Variants in CHST12 observed in about 807,000 individuals in gnomAD.
The protein encoded by CHST12 is carbohydrate sulfotransferase 12.
In CHST12, 23 loss-of-function variants were observed where a neutral mutation model predicts 27.9. The ratio of observed to expected loss-of-function variants is 0.82; its 90% confidence interval spans 0.59 to 1.17. The LOEUF is 1.17. Among genes scored for constraint, CHST12 ranks in the 50% most tolerant of loss-of-function variants. The pLI, the probability that CHST12 is intolerant of heterozygous loss-of-function variation, is 0.00. For synonymous variants in CHST12, 322 were observed against 273.0 expected, an observed-to-expected ratio of 1.18 and a Z score of -1.77; for missense variants, 682 against 603.0, an observed-to-expected ratio of 1.13 and a Z score of -1.37.
chr7:2,417,845 C>T (rs558388542), intron 1 of CHST12, among the ~76,000 whole-genome samples: 10 of 152,380 alleles, frequency 6.6e-5, no homozygotes, highest in Admixed American at 6.5e-4. Flanking sequence ...AACCAAATAT[C>T]TGGGTACCCC....
intron 1 of CHST12, among the ~76,000 whole-genome samples, chr7:2,430,130 T>A (rs1782237089): frequency 6.6e-6 from 1 of 152,106 alleles, no homozygotes; most frequent in Admixed American, 6.6e-5. Flanking sequence ...GTAACATATG[T>A]TGTATTTTCA....
intron 1 of CHST12, among the ~76,000 whole-genome samples, chr7:2,412,195 G>A (rs1279609246): frequency 1.3e-5 from 2 of 152,182 alleles, no homozygotes; most frequent in Non-Finnish European, 2.9e-5. Flanking sequence ...TATACTGTCA[G>A]ATATAGTTAA....
chr7:2,409,341 G>A (rs1015372062), intron 1 of CHST12, among the ~76,000 whole-genome samples: 19 of 152,144 alleles, frequency 1.2e-4, no homozygotes, highest in African/African-American at 4.6e-4. Context: ...CGGGTAGGGC[G>A]TGGTGGTTCG....
At position 2,434,579 on chromosome 7, in the gene CHST12, T is replaced by TAAAAAAAAAAAAAAAAA. The variant is rs869123293; in HGVS notation, c.*716_*732dup. On this transcript the variant is annotated 3_prime_UTR_variant, in exon 2 of 2. Transcript: ENST00000618655. Reference sequence around the variant, plus strand: ...CAACATGGTGAAACCCTGTCTCTACTAAAAAAAAAAAAAAAAAAAAAAAAA... The same window carrying TAAAAAAAAAAAAAAAAA: ...CAACATGGTGAAACCCTGTCTCTACTAAAAAAAAAAAAAAAAAAAAAAAAAAAAAAAAAAAAAAAAAA... 1 of 20,962 alleles carries TAAAAAAAAAAAAAAAAA rather than the reference T, an allele frequency of 4.8e-5. No individual in the cohort carries two copies. Among genetic ancestry groups the TAAAAAAAAAAAAAAAAA allele is most frequent in the Non-Finnish European group, 8.4e-5 (1 of 11,976 alleles). 1.3% of individuals were successfully genotyped at this position (20,962 alleles called of 1,614,324 possible).
intron 1 of CHST12, 94 bp from the exon 2 acceptor site, chr7:2,432,469 G>A: frequency 2.6e-6 from 2 of 765,792 alleles, no homozygotes; most frequent in Non-Finnish European, 4.1e-6. Flanking sequence ...CAGCGCTCCT[G>A]CTCCTCCGGA....
At chr7:2,404,389 CACA>C (rs1206354776) in intron 1 of CHST12, among the ~76,000 whole-genome samples, 2 of 152,230 alleles carry the variant, frequency 1.3e-5, no homozygotes, top group African/African-American at 2.4e-5. Context: ...TGGCAGGCAG[CACA>C]ACAAGCCATA....
intron 1 of CHST12, among the ~76,000 whole-genome samples, chr7:2,431,818 G>T (rs1421149021): frequency 2.6e-5 from 4 of 152,048 alleles, no homozygotes; most frequent in African/African-American, 9.7e-5. Flanking sequence ...AAGTAGAGTG[G>T]GTGTTGCCAA....
chr7:2,431,645 G>A (rs1782270611), intron 1 of CHST12, among the ~76,000 whole-genome samples: 1 of 152,210 alleles, frequency 6.6e-6, no homozygotes. Flanking sequence ...GCAGAGGAAG[G>A]GGTATCAGCT....
rs942779788 is a variant in CHST12 at position 2,435,146 on chromosome 7, T to G, written c.*1262T>G. On this transcript the variant is annotated 3_prime_UTR_variant, in exon 2 of 2. Coordinates refer to ENST00000618655, the MANE Select transcript of CHST12 (RefSeq NM_018641.5). ...CAGGAGGATCGCTGGAGCCCAGGAG[T>G]TCAAGGCTGCAGTGACCTATGATCG... is the stretch of plus-strand genomic sequence containing the variant. 6.6e-6 allele frequency: 1 copy of G among 151,608 alleles called. No individual in the cohort carries two copies. Among genetic ancestry groups the G allele is most frequent in the African/African-American group, 2.4e-5 (1 of 41,226 alleles). 9.4% of individuals were successfully genotyped at this position (151,608 alleles called of 1,614,324 possible).
Position 2,440,034 on chromosome 7 carries a change from G to A in CHST12, c.*6150G>A, listed in dbSNP as rs1782564207. ...TGTGCCCAGCAGGAATAATTTCTCA[G>A]TGCATCTCTGATGGGGAGGCTAATG... On this transcript the variant is annotated 3_prime_UTR_variant, in exon 2 of 2. Coordinates refer to ENST00000618655, the MANE Select transcript of CHST12 (RefSeq NM_018641.5). 1 of 152,164 alleles carries A rather than the reference G, an allele frequency of 6.6e-6. No homozygotes were observed. The highest frequency in any genetic ancestry group is 2.4e-5 in the African/African-American group (1 of 41,430). 9.4% of individuals were successfully genotyped at this position (152,164 alleles called of 1,614,324 possible).
intron 1 of CHST12, among the ~76,000 whole-genome samples, chr7:2,423,073 A>G (rs2906181): frequency 1.7e-4 from 25 of 151,436 alleles, no homozygotes; most frequent in Non-Finnish European, 3.4e-4. Flanking sequence ...GCCAGGAGTT[A>G]GAGACCAGCC....
At position 2,434,128 on chromosome 7, in the gene CHST12, G is replaced by A. The variant is rs369530773; in HGVS notation, c.*244G>A. The A allele has an allele frequency of 0.015, 4,788 of 328,986 alleles. 167 individuals carry two copies. The highest frequency in any genetic ancestry group is 0.09 in the African/African-American group (3,741 of 41,680). The allele number at this position is 328,986 out of a possible 1,614,324, so 20.4% of individuals were successfully genotyped here. A position where few individuals can be genotyped will look rare whatever the true frequency, so the allele number is the denominator to read the frequency against. ...CGCCCGCCCACCCGCCCGCCCGCTC[G>A]CCCGCTCGCCCGCTCCTGTGGTTTT... is the stretch of plus-strand genomic sequence containing the variant. On this transcript the variant is annotated 3_prime_UTR_variant, in exon 2 of 2. Transcript: ENST00000618655.
intron 1 of CHST12, among the ~76,000 whole-genome samples, chr7:2,422,183 T>C (rs1781992943): frequency 1.3e-5 from 2 of 152,126 alleles, no homozygotes; most frequent in South Asian, 2.1e-4. Flanking sequence ...TTCATCTTAA[T>C]TGGCAACTTC....
At position 2,433,069 on chromosome 7, in the gene CHST12, C is replaced by T. The variant is rs1280290819; in HGVS notation, c.430C>T (p.Arg144Cys). 3.1e-6 allele frequency: 5 copies of T among 1,612,096 alleles called. No homozygotes were observed. The highest frequency in any genetic ancestry group is 1.3e-5 in the African/African-American group (1 of 74,908). ...CAGCCTGGCCTTCCCCACCAAGGAGCGCGCATTCGACGACATCCCCAACTC... is the reference window on the plus strand; with the variant it reads ...CAGCCTGGCCTTCCCCACCAAGGAGTGCGCATTCGACGACATCCCCAACTC... ...NSSLAFPTKE[R>C]AFDDIPNSEL... The change falls in exon 2 of 2, where the codon CGC becomes TGC. Residue 144 changes from arginine to cysteine, a missense_variant. By Grantham distance (180) the Arg-to-Cys change is radical. Transcript: ENST00000618655. This position sits in a 1 kb window ranked among gnomAD's most constrained non-coding sequence, Gnocchi z 6.1.
rs1214429087 is a variant in CHST12 at position 2,444,797 on chromosome 7, G to A, written c.*10913G>A. 6.6e-6 allele frequency: 1 copy of A among 152,220 alleles called. No homozygotes were observed. Among genetic ancestry groups the A allele is most frequent in the Non-Finnish European group, 1.5e-5 (1 of 68,050 alleles). The allele number at this position is 152,220 out of a possible 1,614,324, so 9.4% of individuals were successfully genotyped here. A position where few individuals can be genotyped will look rare whatever the true frequency, so the allele number is the denominator to read the frequency against. On this transcript the variant is annotated 3_prime_UTR_variant, in exon 2 of 2. Coordinates refer to ENST00000618655, the MANE Select transcript of CHST12 (RefSeq NM_018641.5). Reference sequence around the variant, plus strand: ...CCCTGGGCTCCTTCACAGTTTGTGTGTCCTCACAGAGCAAGGAAGTTCTGT... The same window carrying A: ...CCCTGGGCTCCTTCACAGTTTGTGTATCCTCACAGAGCAAGGAAGTTCTGT...
In CHST12 at chr7:2,439,645, C is replaced by G. The variant is rs933860363; in HGVS notation, c.*5761C>G. 6.6e-6 allele frequency: 1 copy of G among 151,708 alleles called. No homozygotes were observed. Among genetic ancestry groups the G allele is most frequent in the Non-Finnish European group, 1.5e-5 (1 of 67,968 alleles). 9.4% of individuals were successfully genotyped at this position (151,708 alleles called of 1,614,324 possible). On this transcript the variant is annotated 3_prime_UTR_variant, in exon 2 of 2. Coordinates refer to ENST00000618655, the MANE Select transcript of CHST12 (RefSeq NM_018641.5). ...CTGTAATCCCGGCACTTTGGGAGGC[C>G]GAGGTGGGTGGATCACGAGGTCAGG...
At chr7:2,427,342 T>A (rs894435783) in intron 1 of CHST12, among the ~76,000 whole-genome samples, 5 of 151,964 alleles carry the variant, frequency 3.3e-5, no homozygotes, top group African/African-American at 1.2e-4. Flanking sequence ...CTATAAAAAA[T>A]TTTTAAAAAT....
intron 1 of CHST12, among the ~76,000 whole-genome samples, chr7:2,413,423 C>T (rs1562510362): frequency 6.6e-6 from 1 of 152,076 alleles, no homozygotes; most frequent in Non-Finnish European, 1.5e-5. Flanking sequence ...TAAAACGTAC[C>T]CATTTTAAGT....
chr7:2,429,795 T>C (rs1005802186), intron 1 of CHST12, among the ~76,000 whole-genome samples: 4 of 152,168 alleles, frequency 2.6e-5, no homozygotes, highest in Admixed American at 6.5e-5. Context: ...TGTTTTTCTT[T>C]TGAGACAGGG....
Sources: allele counts gnomAD v4.1 joint callset (sites outside exome capture counted in the v4.1 genomes callset), GRCh38; gene constraint gnomAD v4.1.1; non-coding constraint Gnocchi (gnomAD v3.1); transcripts MANE v1.5; gene names NCBI Gene and HGNC (gene_info 2026-07-23, HGNC 2026-07-21).